The following BBOX1 variants were observed in gnomAD, a reference collection of about 807,000 sequenced individuals.
BBOX1 encodes gamma-butyrobetaine dioxygenase.
A neutral mutation model predicts 41.6 loss-of-function variants in BBOX1; 35 were observed. The observed-to-expected ratio is 0.84, with a 90% CI of 0.64 to 1.11. BBOX1 has a LOEUF of 1.11. Ranked by LOEUF, BBOX1 falls within the 50% of genes most tolerant of loss-of-function variation. The pLI is 0.00. For missense variants in BBOX1, 458 were observed against 460.6 expected (o/e 0.99, Z 0.05); for synonymous variants, 163 against 154.7 (o/e 1.05, Z -0.40).
chr11:27,073,868 A>C (rs1322413224), intron 4 of BBOX1, among the ~76,000 whole-genome samples: 2 of 151,900 alleles, frequency 1.3e-5, no homozygotes, highest in East Asian at 3.9e-4. Flanking sequence ...AACAATGAGA[A>C]CACTTGGACA....
chr11:27,096,817 A>G (rs1223413157), intron 5 of BBOX1, among the ~76,000 whole-genome samples: 1 of 152,034 alleles, frequency 6.6e-6, no homozygotes, highest in Admixed American at 6.6e-5. Context: ...AGGACTATAA[A>G]CCAGCAGATA....
intron 5 of BBOX1, among the ~76,000 whole-genome samples, chr11:27,111,159 T>A (rs1373625084): frequency 6.6e-6 from 1 of 151,952 alleles, no homozygotes; most frequent in Admixed American, 6.6e-5. Flanking sequence ...CATGGAATAC[T>A]ACACAACCAT....
At chr11:27,072,552 C>G (rs765297055) in intron 4 of BBOX1, among the ~76,000 whole-genome samples, 4 of 152,120 alleles carry the variant, frequency 2.6e-5, no homozygotes, top group Non-Finnish European at 5.9e-5. Flanking sequence ...GACTTCGTCA[C>G]AGAATTGGAA....
chr11:27,072,497 C>A (rs1857487461), intron 4 of BBOX1, among the ~76,000 whole-genome samples: 1 of 152,088 alleles, frequency 6.6e-6, no homozygotes, highest in African/African-American at 2.4e-5. Context: ...CCATGCTGCC[C>A]AAGGTAATTT....
In BBOX1 at chr11:27,115,404, C is replaced by G. The variant is rs749560297; in HGVS notation, c.534-48C>G. The G allele has an allele frequency of 4.5e-5, 66 of 1,460,512 alleles. No homozygotes were observed. The Middle Eastern group carries it at 5.3e-4, about 12-fold the overall frequency. 90.5% of individuals were successfully genotyped at this position (1,460,512 alleles called of 1,614,324 possible). ...TCAAATTCATTCTAATGCATTTCCT[C>G]TGGCTTAGTGACAACCTGTTTAAAC... is the stretch of plus-strand genomic sequence containing the variant. On this transcript the variant is annotated intron_variant, in intron 5 of 8. Coordinates refer to ENST00000263182, the MANE Select transcript of BBOX1 (RefSeq NM_003986.3).
chr11:27,100,240 C>T (rs943904231), intron 5 of BBOX1, among the ~76,000 whole-genome samples: 1 of 152,028 alleles, frequency 6.6e-6, no homozygotes, highest in African/African-American at 2.4e-5. Flanking sequence ...GTTTGAAATA[C>T]TTGTTACCAG....
intron 5 of BBOX1, among the ~76,000 whole-genome samples, chr11:27,108,947 G>A (rs146172663): frequency 6.6e-5 from 10 of 152,060 alleles, no homozygotes; most frequent in African/African-American, 2.4e-4. Context: ...GCTCATAAAA[G>A]TCACCCCTTC....
chr11:27,045,252 T>G (rs1355493218), intron 2 of BBOX1, among the ~76,000 whole-genome samples: 1 of 152,204 alleles, frequency 6.6e-6, no homozygotes, highest in Non-Finnish European at 1.5e-5. Flanking sequence ...TGTATAGGAA[T>G]GCTTGTGATT....
intron 5 of BBOX1, among the ~76,000 whole-genome samples, chr11:27,094,145 G>C (rs1424077097): frequency 2.0e-5 from 3 of 151,954 alleles, no homozygotes; most frequent in Non-Finnish European, 4.4e-5. Context: ...GTAACAGGGA[G>C]ATATAATTGA....
intron 5 of BBOX1, among the ~76,000 whole-genome samples, chr11:27,096,162 A>G (rs986111803): frequency 6.6e-6 from 1 of 151,926 alleles, no homozygotes; most frequent in African/African-American, 2.4e-5. Context: ...GCTTTATATC[A>G]TCTGAACTCT....
chr11:27,107,849 T>A (rs561957965), intron 5 of BBOX1, among the ~76,000 whole-genome samples: 5 of 152,000 alleles, frequency 3.3e-5, no homozygotes, highest in African/African-American at 1.2e-4. Context: ...TCTTGGAGAG[T>A]TGGATTTGGG....
chr11:27,068,156 C>G (rs7932626), intron 4 of BBOX1, among the ~76,000 whole-genome samples: 62,888 of 151,890 alleles, frequency 0.41, 13,678 homozygotes, highest in African/African-American at 0.56. Context: ...TCTCCATACT[C>G]TTTTCCATAA....
chr11:27,098,590 C>G (rs1186227054), intron 5 of BBOX1, among the ~76,000 whole-genome samples: 3 of 152,018 alleles, frequency 2.0e-5, no homozygotes, highest in Admixed American at 6.6e-5. Context: ...ATGGCTTTAT[C>G]ATACTATAAT....
intron 5 of BBOX1, among the ~76,000 whole-genome samples, chr11:27,094,485 A>C (rs1429853137): frequency 6.6e-6 from 1 of 152,112 alleles, no homozygotes; most frequent in Admixed American, 6.6e-5. Flanking sequence ...TTTACATTAC[A>C]TGTGGACCTG....
chr11:27,061,191 G>A (rs576581662), intron 4 of BBOX1, among the ~76,000 whole-genome samples: 20 of 152,136 alleles, frequency 1.3e-4, no homozygotes, highest in African/African-American at 4.8e-4. Context: ...AAAAGGATAT[G>A]GACATCCTCC....
chr11:27,044,371 C>T (rs2133939844), intron 2 of BBOX1, among the ~76,000 whole-genome samples: 1 of 152,124 alleles, frequency 6.6e-6, no homozygotes, highest in South Asian at 2.1e-4. Flanking sequence ...CAAAAATTTT[C>T]TCCCATTCGG....
chr11:27,061,292 A>AT (rs1438352246), intron 4 of BBOX1, among the ~76,000 whole-genome samples: 2 of 152,196 alleles, frequency 1.3e-5, no homozygotes, highest in Admixed American at 6.5e-5. Flanking sequence ...ACTACACTCA[A>AT]TTAAGTAGTG....
At chr11:27,087,955 T>C (rs1275842031) in intron 4 of BBOX1, among the ~76,000 whole-genome samples, 1 of 152,080 alleles carries the variant, frequency 6.6e-6, no homozygotes, top group Non-Finnish European at 1.5e-5. Context: ...GCCTATTGTA[T>C]TGACAGCTGT....
At chr11:27,065,474 G>A (rs1456993309) in intron 4 of BBOX1, among the ~76,000 whole-genome samples, 1 of 152,008 alleles carries the variant, frequency 6.6e-6, no homozygotes, top group African/African-American at 2.4e-5. Context: ...ATGCAAGATG[G>A]GGCTGCCCTT....
Sources: gnomAD v4.1 joint callset for allele counts (sites outside exome capture counted in the v4.1 genomes callset) on GRCh38, gnomAD v4.1.1 for gene constraint, MANE v1.5 for transcripts, NCBI Gene and HGNC (gene_info 2026-07-23, HGNC 2026-07-21) for gene names.